Variants in RAB33A observed in about 807,000 individuals in gnomAD.
RAB33A encodes the protein ras-related protein Rab-33A.
RAB33A carries 6 observed loss-of-function variants against 12.0 expected under a neutral mutation model. The ratio of observed to expected loss-of-function variants is 0.50; its 90% CI spans 0.27 to 0.99. RAB33A has a LOEUF of 0.99. RAB33A is among the 50% of genes least tolerant of loss of function. The pLI, the probability that RAB33A is intolerant of heterozygous loss-of-function variation, is 0.11. For synonymous variants in RAB33A, 70 were observed against 82.4 expected, an observed-to-expected ratio of 0.85 and a Z score of 0.81; for missense variants, 109 against 192.0, an observed-to-expected ratio of 0.57 and a Z score of 2.55.
At chrX:130,113,077 C>CTTTTTTTTTTTTTTTTTTTTTTTTTT in the RAB33A span, among the ~76,000 whole-genome samples, 1 of 46,994 alleles carries the variant, frequency 2.1e-5, no homozygotes, top group Non-Finnish European at 3.6e-5. Flanking sequence ...TTTTTTCCTT[C>CTTTTTTTTTTTTTTTTTTTTTTTTTT]TTTTTTTTTT....
chrX:130,150,129 C>T, the RAB33A span, among the ~76,000 whole-genome samples: 4 of 110,889 alleles, frequency 3.6e-5, no homozygotes, highest in South Asian at 3.8e-4. Flanking sequence ...CTTAAACTCA[C>T]GAGGTAGAAG....
At chrX:130,176,479 G>A (rs2031664996) in intron 1 of RAB33A, among the ~76,000 whole-genome samples, 1 of 111,743 alleles carries the variant, frequency 8.9e-6, no homozygotes, top group Non-Finnish European at 1.9e-5. Context: ...TACAGCTCAG[G>A]ACTGTGAGTT....
chrX:130,144,138 T>C, the RAB33A span, among the ~76,000 whole-genome samples: 2 of 112,073 alleles, frequency 1.8e-5, no homozygotes, highest in Non-Finnish European at 3.8e-5. Flanking sequence ...AAGATTAGAA[T>C]AGGTACTATA....
chrX:130,136,878 GGTT>G, the RAB33A span: 1 of 1,015,671 alleles, frequency 9.8e-7, no homozygotes, highest in Non-Finnish European at 1.4e-6. Flanking sequence ...CTACACCCAT[GGTT>G]CATTTTCAGC....
At chrX:130,140,415 A>T in the RAB33A span, 1 of 616,894 alleles carries the variant, frequency 1.6e-6, no homozygotes, top group Non-Finnish European at 2.8e-6. Context: ...GAAGACACTC[A>T]CTTCAGAGAG....
At chrX:130,151,803 G>A in the RAB33A span, among the ~76,000 whole-genome samples, 118 of 111,906 alleles carry the variant, frequency 1.1e-3, no homozygotes, top group African/African-American at 3.8e-3. Flanking sequence ...CACTTTGGGA[G>A]GCCAAGTTGT....
the RAB33A span, chrX:130,131,769 T>C: frequency 4.1e-6 from 5 of 1,210,347 alleles, no homozygotes; most frequent in African/African-American, 8.7e-5. Flanking sequence ...GACCAATAGC[T>C]TCATAGCCAA....
the RAB33A span, among the ~76,000 whole-genome samples, chrX:130,113,427 A>ATT: frequency 1.8e-5 from 1 of 54,627 alleles, no homozygotes. Flanking sequence ...TTTAGTTTAG[A>ATT]TTTTTTTTTT....
In RAB33A at chrX:130,172,293, C is replaced by G; in HGVS notation, c.231C>G (p.Thr77=). ...TCGGCGTGGACTTCAGGGAGAAGAC[C>G]GTGGAAATCGAGGGCGAGAAGATCA... is the stretch of plus-strand genomic sequence containing the variant. ...ATIGVDFREK[T]VEIEGEKIKV... is the part of the protein sequence containing the mutation. The change falls in exon 1 of 2, where the codon ACC becomes ACG. Residue 77 remains threonine, a synonymous_variant. Transcript: ENST00000257017. The G allele has an allele frequency of 2.5e-6, 3 of 1,208,546 alleles. No individual in the cohort carries two copies. Among genetic ancestry groups the G allele is most frequent in the Non-Finnish European group, 2.2e-6 (2 of 893,556 alleles).
chrX:130,161,734 A>G, the RAB33A span, among the ~76,000 whole-genome samples: 510 of 106,781 alleles, frequency 4.8e-3, 1 homozygote, highest in Admixed American at 8.3e-3. Flanking sequence ...CAGCCTCCCG[A>G]GTAGCAGGGA....
At chrX:130,128,077 G>A in the RAB33A span, among the ~76,000 whole-genome samples, 1 of 111,219 alleles carries the variant, frequency 9.0e-6, no homozygotes, top group African/African-American at 3.3e-5. Context: ...GTATTGTTCG[G>A]TATACCTGTA....
chrX:130,137,308 C>T, the RAB33A span: 6 of 1,182,482 alleles, frequency 5.1e-6, no homozygotes, highest in Middle Eastern at 2.4e-4. Flanking sequence ...CAATCCAGGC[C>T]GAGCGCCCAC....
the RAB33A span, among the ~76,000 whole-genome samples, chrX:130,149,048 A>G: frequency 9.6e-6 from 1 of 104,301 alleles, no homozygotes. Context: ...CAGCCTCCCG[A>G]GCACCAGGGA....
At chrX:130,130,678 G>T in the RAB33A span, among the ~76,000 whole-genome samples, 1 of 112,757 alleles carries the variant, frequency 8.9e-6, no homozygotes, top group South Asian at 3.6e-4. Flanking sequence ...ACAGAGCAGA[G>T]ATGGAACATT....
chrX:130,166,298 C>T, the RAB33A span, among the ~76,000 whole-genome samples: 9 of 111,485 alleles, frequency 8.1e-5, no homozygotes, highest in African/African-American at 2.9e-4. Flanking sequence ...CTTTCCCACC[C>T]AACCCGTTTC....
chrX:130,165,106 G>C, the RAB33A span, among the ~76,000 whole-genome samples: 2 of 110,376 alleles, frequency 1.8e-5, no homozygotes, highest in Non-Finnish European at 3.8e-5. Flanking sequence ...CAAATCCATG[G>C]ATCTCATCTG....
At chrX:130,180,961 T>C (rs1425554957) in intron 1 of RAB33A, among the ~76,000 whole-genome samples, 2 of 83,388 alleles carry the variant, frequency 2.4e-5, no homozygotes, top group South Asian at 6.6e-4. Context: ...TGAGCTGAGA[T>C]TGCACCACTG....
the RAB33A span, among the ~76,000 whole-genome samples, chrX:130,135,374 A>T: frequency 9.6e-6 from 1 of 104,632 alleles, no homozygotes; most frequent in Non-Finnish European, 1.9e-5. Context: ...GGTGTAAGCC[A>T]CTTCTCCTGG....
At chrX:130,165,940 C>T in the RAB33A span, 1 of 382,583 alleles carries the variant, frequency 2.6e-6, no homozygotes, top group South Asian at 3.3e-5. Flanking sequence ...TGGCCGCAAG[C>T]TCGCAAAGAC....
Sources: gnomAD v4.1 joint callset for allele counts (sites outside exome capture counted in the v4.1 genomes callset) on GRCh38, gnomAD v4.1.1 for gene constraint, MANE v1.5 for transcripts, NCBI Gene and HGNC (gene_info 2026-07-23, HGNC 2026-07-21) for gene names.